The following CCZ1 variants were observed in gnomAD, a reference collection of about 807,000 sequenced individuals.
The protein encoded by CCZ1 is CCZ1 vacuolar protein trafficking and biogenesis associated.
CCZ1 carries 19 observed loss-of-function variants against 57.8 expected under a neutral mutation model. The ratio of observed to expected loss-of-function variants is 0.33; its 90% CI spans 0.23 to 0.48. The LOEUF is 0.48. Among genes scored for constraint, CCZ1 ranks in the 20% least tolerant of loss-of-function variants. The pLI, the probability that CCZ1 is intolerant of heterozygous loss-of-function variation, is 0.99. For synonymous variants in CCZ1, 81 were observed against 167.0 expected, an observed-to-expected ratio of 0.49 and a Z score of 3.97; for missense variants, 200 against 492.0, an observed-to-expected ratio of 0.41 and a Z score of 5.61.
At chr7:5,904,297 G>A (rs1781753068) in intron 6 of CCZ1, among the ~76,000 whole-genome samples, 1 of 141,410 alleles carries the variant, frequency 7.1e-6, no homozygotes, top group Middle Eastern at 3.5e-3. Context: ...TGTTGGCGAG[G>A]CTGGTCTCAA....
At chr7:5,911,235 T>C (rs1781971556) in intron 8 of CCZ1, among the ~76,000 whole-genome samples, 1 of 149,086 alleles carries the variant, frequency 6.7e-6, no homozygotes, top group South Asian at 2.2e-4. Context: ...CACTGTGTTC[T>C]CCCCAAAGTA....
intron 1 of CCZ1, among the ~76,000 whole-genome samples, chr7:5,899,334 G>GGGTGTGTGGGTGT (rs1781626415): frequency 4.0e-4 from 5 of 12,570 alleles, no homozygotes; most frequent in African/African-American, 1.4e-3. Flanking sequence ...TCGGGAGGGG[G>GGGTGTGTGGGTGT]GTGTGTGTGT....
intron 9 of CCZ1, 95 bp downstream of exon 9, chr7:5,912,017 G>A (rs1215240113): frequency 5.7e-6 from 9 of 1,576,896 alleles, no homozygotes; most frequent in Non-Finnish European, 7.7e-6. Flanking sequence ...GCAGTGGCAA[G>A]ATCTCCGCTC....
At chr7:5,920,588 C>G (rs1270146206) in intron 12 of CCZ1, among the ~76,000 whole-genome samples, 2 of 131,092 alleles carry the variant, frequency 1.5e-5, no homozygotes, top group African/African-American at 2.8e-5. Context: ...TCTCATGCCT[C>G]ATCCTCTTGA....
intron 1 of CCZ1, among the ~76,000 whole-genome samples, chr7:5,899,743 G>T (rs930010713): frequency 3.3e-5 from 5 of 151,428 alleles, no homozygotes; most frequent in African/African-American, 1.2e-4. Context: ...ACTACAGCCT[G>T]GGCAGCACAG....
rs1411191916 is a variant in CCZ1 at position 5,911,302 on chromosome 7, CT to C, written c.781-557del. Among the ~76,000 whole-genome samples, 3 of 148,856 alleles carry C rather than the reference CT, an allele frequency of 2.0e-5. 1 individual carries two copies. Among genetic ancestry groups the C allele is most frequent in the Admixed American group, 2.0e-4 (3 of 15,064 alleles). ...GGCTCAGTTGAACTCACTCTCTTCG[CT>C]TGTTCGTTCCCTCCCTCTTGTCCTC... On this transcript the variant is annotated intron_variant, in intron 8 of 14. Coordinates refer to ENST00000325974, the MANE Select transcript of CCZ1 (RefSeq NM_015622.6).
At chr7:5,921,145 G>T (rs2128615151) in intron 12 of CCZ1, among the ~76,000 whole-genome samples, 1 of 124,838 alleles carries the variant, frequency 8.0e-6, no homozygotes, top group Admixed American at 7.9e-5. Context: ...TGGTCAGACT[G>T]GTCTCGAACT....
At chr7:5,904,958 C>G in intron 6 of CCZ1, 136 bp from the exon 7 acceptor site, 1 of 1,224,442 alleles carries the variant, frequency 8.2e-7, no homozygotes, top group Non-Finnish European at 1.1e-6. Flanking sequence ...TTCACCACGG[C>G]CTCATTGTTG....
chr7:5,913,087 C>T (rs1779073625), intron 10 of CCZ1, 133 bp downstream of exon 10: 3 of 737,808 alleles, frequency 4.1e-6, no homozygotes, highest in Admixed American at 3.0e-5. Context: ...TATGGTAAAA[C>T]TCAAAATGGG....
intron 7 of CCZ1, among the ~76,000 whole-genome samples, chr7:5,905,526 G>C (rs572534245): frequency 2.0e-5 from 3 of 146,576 alleles, no homozygotes; most frequent in Admixed American, 2.0e-4. Flanking sequence ...GCTCACACCT[G>C]TAATCTTAGC....
Position 5,918,802 on chromosome 7 carries a change from GTTA to G in CCZ1, c.955-60_955-58del, listed in dbSNP as rs1296209795. 7 of 640,738 alleles carry G rather than the reference GTTA, an allele frequency of 1.1e-5. No individual in the cohort carries two copies. The African/African-American group carries it at 1.6e-4, about 14-fold the overall frequency. The allele number at this position is 640,738 out of a possible 1,614,324, so 39.7% of individuals were successfully genotyped here. A position where few individuals can be genotyped will look rare whatever the true frequency, so the allele number is the denominator to read the frequency against. On this transcript the variant is annotated intron_variant, in intron 10 of 14. Coordinates refer to ENST00000325974, the MANE Select transcript of CCZ1 (RefSeq NM_015622.6). ...TCTCCCCATTGACTTTGAACAGATT[GTTA>G]TTATACGAAAGTCTCCTTTTTTCCA...
intron 6 of CCZ1, among the ~76,000 whole-genome samples, chr7:5,904,390 A>AT (rs899550985): frequency 1.4e-5 from 2 of 146,272 alleles, no homozygotes; most frequent in African/African-American, 5.2e-5. Flanking sequence ...CTGGCCAGGA[A>AT]TTAAAAACTT....
At position 5,925,505 on chromosome 7, in the gene CCZ1, T is replaced by C. The variant is rs1389551285; in HGVS notation, c.1394-127T>C. 6.5e-6 allele frequency: 6 copies of C among 922,406 alleles called. No individual in the cohort carries two copies. In the Admixed American group the frequency reaches 1.1e-4, roughly 18 times the overall value. 57.1% of individuals were successfully genotyped at this position (922,406 alleles called of 1,614,324 possible). A position where few individuals can be genotyped will look rare whatever the true frequency, so the allele number is the denominator to read the frequency against. Reference sequence around the variant, plus strand: ...AAAAAAAAATTCTTGCCTAGTCTTCTGGGATTTAAGGTCAAAATCAATGCA... The same window carrying C: ...AAAAAAAAATTCTTGCCTAGTCTTCCGGGATTTAAGGTCAAAATCAATGCA... On this transcript the variant is annotated intron_variant, in intron 14 of 14. Transcript: ENST00000325974.
At chr7:5,899,421 T>A (rs1234983046) in intron 1 of CCZ1, among the ~76,000 whole-genome samples, 1 of 145,244 alleles carries the variant, frequency 6.9e-6, no homozygotes, top group Non-Finnish European at 1.5e-5. Context: ...TCTCAAAGGA[T>A]GTCCGGAGCT....
intron 8 of CCZ1, 198 bp downstream of exon 8, chr7:5,910,314 G>C (rs1781940248): frequency 4.3e-6 from 2 of 461,392 alleles, no homozygotes; most frequent in South Asian, 8.3e-5. Flanking sequence ...ATTCAGATGT[G>C]ATACAGAAAG....
In CCZ1 at chr7:5,907,657, C is replaced by G. The variant is rs974008893; in HGVS notation, c.699-2378C>G. On this transcript the variant is annotated intron_variant, in intron 7 of 14. Transcript: ENST00000325974. ...TCACAGGACAATCTGGCGCCCAGCT[C>G]TGGGGATCCTGTTGGCATCGTCATC... is the stretch of plus-strand genomic sequence containing the variant. 2.1e-5 allele frequency among the ~76,000 whole-genome samples: 3 copies of G among 145,974 alleles called. No homozygotes were observed. In the South Asian group the frequency reaches 7.1e-4, roughly 34 times the overall value.
chr7:5,911,487 A>G lies in CCZ1; in HGVS notation c.781-374A>G, dbSNP rs1209513478. Among the ~76,000 whole-genome samples, 27 of 148,438 alleles carry G rather than the reference A, an allele frequency of 1.8e-4. 2 individuals are homozygous for G. Among genetic ancestry groups the G allele is most frequent in the Non-Finnish European group, 3.3e-4 (22 of 67,500 alleles). On this transcript the variant is annotated intron_variant, in intron 8 of 14. Transcript: ENST00000325974. ...CTGGCTAATTTTTTGTAGAGATGGG[A>G]TCTCGTCATGTTGCCCAGGCTATTC...
intron 6 of CCZ1, among the ~76,000 whole-genome samples, chr7:5,903,935 A>G (rs1781742097): frequency 7.1e-6 from 1 of 141,384 alleles, no homozygotes; most frequent in Non-Finnish European, 1.5e-5. Flanking sequence ...GCGAGGTTGC[A>G]GTGAGCCGAG....
Position 5,912,941 on chromosome 7 carries a change from T to C in CCZ1, c.941T>C (p.Leu314Ser), listed in dbSNP as rs1248112569. The C allele has an allele frequency of 1.9e-6, 3 of 1,598,738 alleles. No homozygotes were observed. The highest frequency in any genetic ancestry group is 1.7e-6 in the Non-Finnish European group (2 of 1,174,212). Reference sequence around the variant, plus strand: ...GATGACACTTATGAAGAGCTCCATTTAATCGTTTATAAGGTAACAACTGTT... The same window carrying C: ...GATGACACTTATGAAGAGCTCCATTCAATCGTTTATAAGGTAACAACTGTT... ...NTDDTYEELH[L>S]IVYKAMSAAV... Residue 314 changes from leucine (L) to serine (S), a missense_variant, in exon 10 of 15, where the codon TTA becomes TCA. Leu to Ser is a moderately radical substitution (Grantham distance 145). Coordinates refer to ENST00000325974, the MANE Select transcript of CCZ1 (RefSeq NM_015622.6).
Sources: gnomAD v4.1 joint callset for allele counts (sites outside exome capture counted in the v4.1 genomes callset) on GRCh38, gnomAD v4.1.1 for gene constraint, MANE v1.5 for transcripts, NCBI Gene and HGNC (gene_info 2026-07-23, HGNC 2026-07-21) for gene names.